Variants in LRRC34 observed in about 807,000 individuals in gnomAD.
LRRC34 encodes leucine rich repeat containing 34.
LRRC34 carries 44 observed loss-of-function variants against 48.5 expected under a neutral mutation model. The ratio of observed to expected loss-of-function variants is 0.91; its 90% CI spans 0.71 to 1.17. The LOEUF (loss-of-function observed/expected upper bound fraction) is 1.17, where lower values mean the gene tolerates loss of function less well. LRRC34 is among the 50% of genes most tolerant of loss of function. The pLI is 0.00. For missense variants in LRRC34, 502 were observed against 563.0 expected, an observed-to-expected ratio of 0.89 and a Z score of 1.10; for synonymous variants, 192 against 197.6, an observed-to-expected ratio of 0.97 and a Z score of 0.24.
chr3:169,809,244 A>G (rs1483805430), intron 1 of LRRC34, among the ~76,000 whole-genome samples: 1 of 146,502 alleles, frequency 6.8e-6, no homozygotes, highest in African/African-American at 2.5e-5. Flanking sequence ...AGCATCCACG[A>G]GAGGAAAAGG....
intron 6 of LRRC34, among the ~76,000 whole-genome samples, chr3:169,802,134 T>A (rs1426483530): frequency 6.6e-6 from 1 of 152,200 alleles, no homozygotes. Flanking sequence ...TACTTTCCCA[T>A]TAAATCAACT....
intron 5 of LRRC34, among the ~76,000 whole-genome samples, chr3:169,805,832 C>T (rs1779350323): frequency 7.7e-6 from 1 of 129,896 alleles, no homozygotes; most frequent in Non-Finnish European, 1.6e-5. Context: ...TGTGGTGAGC[C>T]AAAATCGCGC....
chr3:169,794,101 C>G (rs1778898053), intron 10 of LRRC34: 2 of 281,180 alleles, frequency 7.1e-6, no homozygotes, highest in Non-Finnish European at 1.3e-5. Context: ...TTTGTGACTC[C>G]TAGAGTTGAT....
At chr3:169,794,416 CTT>C (rs139338412) in intron 10 of LRRC34, 17 of 143,084 alleles carry the variant, frequency 1.2e-4, no homozygotes, top group Admixed American at 1.4e-4. Context: ...AATTTTTATA[CTT>C]TTTTTTTTTT....
At chr3:169,796,427 G>C in intron 8 of LRRC34, 58 bp from the exon 9 acceptor site, 1 of 1,535,112 alleles carries the variant, frequency 6.5e-7, no homozygotes. Context: ...TATTCATAGT[G>C]ATAAGATGCT....
At position 169,793,719 on chromosome 3, in the gene LRRC34, A is replaced by G; in HGVS notation, c.1311T>C (p.Tyr437=). ...ATTCTCCATAAGTTGATGTCCAATA[A>G]TAATGCTTTTTAAGGCCATTGGAGA... ...AEVSNGLKKH[Y]YWTSTYGESY... is the part of the protein sequence containing the mutation. Residue 437 remains tyrosine, a synonymous_variant, in exon 11 of 11, where the codon TAT becomes TAC. Transcript: ENST00000446859. 6.2e-7 allele frequency: 1 copy of G among 1,613,820 alleles called. No individual in the cohort carries two copies. Among genetic ancestry groups the G allele is most frequent in the Non-Finnish European group, 8.5e-7 (1 of 1,179,804 alleles).
intron 6 of LRRC34, 168 bp downstream of exon 6, chr3:169,803,885 T>C (rs1400732491): frequency 2.0e-5 from 9 of 457,698 alleles, no homozygotes; most frequent in Non-Finnish European, 3.3e-5. Flanking sequence ...CTATGTTATT[T>C]ACTATAGTCT....
chr3:169,794,070 G>T, intron 10 of LRRC34: 1 of 376,526 alleles, frequency 2.7e-6, no homozygotes, highest in South Asian at 4.1e-5. Flanking sequence ...AACTTTTAAT[G>T]TATTAGACAT....
At chr3:169,803,896 G>A (rs1278345196) in intron 6 of LRRC34, 157 bp downstream of exon 6, 2 of 519,962 alleles carry the variant, frequency 3.8e-6, no homozygotes. Flanking sequence ...ACTATAGTCT[G>A]ATTTTATTAA....
At chr3:169,800,559 C>G (rs922446984) in intron 7 of LRRC34, 100 bp downstream of exon 7, 1 of 607,598 alleles carries the variant, frequency 1.6e-6, no homozygotes, top group Admixed American at 3.4e-5. Flanking sequence ...AAGTACATCT[C>G]TAAAAATACA....
chr3:169,794,557 C>T (rs1442120885), intron 10 of LRRC34: 1 of 152,178 alleles, frequency 6.6e-6, no homozygotes, highest in Non-Finnish European at 1.5e-5. Context: ...GGACTACAGG[C>T]CCAGCGCACC....
In LRRC34 at chr3:169,807,453, A is replaced by G; in HGVS notation, c.417T>C (p.Gly139=). The stretch of plus-strand genomic sequence containing the variant: ...GAAGCAGTTTCGCAGCATAGTATGC[A>G]CCAACATCACATAGAAGGTTATATC... ...DVGYNLLCDV[G]AYYAAKLLQK... Residue 139 remains glycine, a synonymous_variant, in exon 4 of 11, where the codon GGT becomes GGC. Transcript: ENST00000446859. The G allele has an allele frequency of 6.2e-7, 1 of 1,614,066 alleles. No homozygotes were observed. The highest frequency in any genetic ancestry group is 8.5e-7 in the Non-Finnish European group (1 of 1,179,966).
At position 169,812,389 on chromosome 3, in the gene LRRC34, G is replaced by A. The variant is rs1287110108; in HGVS notation, c.139+21C>T. 1.3e-6 allele frequency: 2 copies of A among 1,524,254 alleles called. No individual in the cohort carries two copies. Among genetic ancestry groups the A allele is most frequent in the African/African-American group, 2.8e-5 (2 of 70,966 alleles). 94.4% of individuals were successfully genotyped at this position (1,524,254 alleles called of 1,614,324 possible). A position where few individuals can be genotyped will look rare whatever the true frequency, so the allele number is the denominator to read the frequency against. ...CGTTTTGTCTGGGCCAGGCCGCGCAGACGTGCTCCCTACTTCTTACCGCGC... is the reference window on the plus strand; with the variant it reads ...CGTTTTGTCTGGGCCAGGCCGCGCAAACGTGCTCCCTACTTCTTACCGCGC... On this transcript the variant is annotated intron_variant, in intron 1 of 10. Transcript: ENST00000446859. This position sits in a 1 kb window ranked among gnomAD's most constrained non-coding sequence, Gnocchi z 4.3.
chr3:169,796,607 G>A (rs2108224256), intron 8 of LRRC34, 138 bp downstream of exon 8: 1 of 1,010,044 alleles, frequency 9.9e-7, no homozygotes, highest in African/African-American at 1.7e-5. Flanking sequence ...TAAAGCTTAG[G>A]ACAAAGGATT....
chr3:169,806,314 C>G (rs538584629), intron 5 of LRRC34, among the ~76,000 whole-genome samples: 1 of 152,180 alleles, frequency 6.6e-6, no homozygotes, highest in East Asian at 1.9e-4. Context: ...CTGTAAAACT[C>G]TTAAAAAAAC....
chr3:169,793,914 A>G, intron 10 of LRRC34, 76 bp from the exon 11 acceptor site: 1 of 957,448 alleles, frequency 1.0e-6, no homozygotes, highest in South Asian at 1.8e-5. Flanking sequence ...AAATTTAAAT[A>G]TTCAAATTAG....
At position 169,796,374 on chromosome 3, in the gene LRRC34, C is replaced by T. The variant is rs1455127644; in HGVS notation, c.909-5G>A. Reference sequence around the variant, plus strand: ...CCATCATGAGTTATTTTGTTGCTGGCAAAGGAAAAATAGTTATATTTGAAA... The same window carrying T: ...CCATCATGAGTTATTTTGTTGCTGGTAAAGGAAAAATAGTTATATTTGAAA... On this transcript the variant is annotated splice_polypyrimidine_tract_variant and splice_region_variant and intron_variant, in intron 8 of 10. Coordinates refer to ENST00000446859, the MANE Select transcript of LRRC34 (RefSeq NM_001172779.2). 1 of 1,591,602 alleles carries T rather than the reference C, an allele frequency of 6.3e-7. No individual in the cohort carries two copies. The highest frequency in any genetic ancestry group is 8.5e-7 in the Non-Finnish European group (1 of 1,173,978).
At chr3:169,803,025 C>A (rs1238838643) in intron 6 of LRRC34, among the ~76,000 whole-genome samples, 6 of 152,002 alleles carry the variant, frequency 3.9e-5, no homozygotes, top group African/African-American at 9.7e-5. Context: ...ACCAGAGAGC[C>A]CCCTGGCCCA....
In LRRC34 at chr3:169,793,606, T is replaced by C. The variant is rs1778873205; in HGVS notation, c.*29A>G. 5 of 1,479,274 alleles carry C rather than the reference T, an allele frequency of 3.4e-6. No homozygotes were observed. In the African/African-American group the frequency reaches 4.2e-5, roughly 12 times the overall value. The allele number at this position is 1,479,274 out of a possible 1,614,324, so 91.6% of individuals were successfully genotyped here. ...AATCTCTGTGAAACAATAAGACAAG[T>C]GTATGAAAATTATTTTACAGCTACT... On this transcript the variant is annotated 3_prime_UTR_variant, in exon 11 of 11. Transcript: ENST00000446859.
Sources: gnomAD v4.1 joint callset for allele counts (sites outside exome capture counted in the v4.1 genomes callset) on GRCh38, gnomAD v4.1.1 for gene constraint, Gnocchi (gnomAD v3.1) non-coding constraint, MANE v1.5 for transcripts, NCBI Gene and HGNC (gene_info 2026-07-23, HGNC 2026-07-21) for gene names.